Variants in PNPLA5 observed in about 807,000 individuals in gnomAD.
The protein encoded by PNPLA5 is patatin like domain 5, triacylglycerol lipase, also known as patatin-like phospholipase domain-containing protein 5.
A neutral mutation model predicts 49.1 loss-of-function variants in PNPLA5; 44 were observed. That is an observed-to-expected ratio of 0.90 (90% CI 0.70 to 1.15). The LOEUF is 1.15. Ranked by LOEUF, PNPLA5 falls within the 50% of genes most tolerant of loss-of-function variation. PNPLA5 has a pLI of 0.00. For synonymous variants in PNPLA5, 243 were observed against 244.4 expected, an observed-to-expected ratio of 0.99 and a Z score of 0.06; for missense variants, 603 against 564.0, an observed-to-expected ratio of 1.07 and a Z score of -0.70.
In PNPLA5 at chr22:43,889,418, G is replaced by A. The variant is rs1194505075; in HGVS notation, c.613C>T (p.His205Tyr). The A allele has an allele frequency of 1.9e-6, 3 of 1,614,160 alleles. No individual in the cohort carries two copies. In the African/African-American group the frequency reaches 4.0e-5, roughly 22 times the overall value. The change falls in exon 4 of 9, where the codon CAT becomes TAT. Residue 205 changes from histidine to tyrosine, a missense_variant. By Grantham distance (83) the His-to-Tyr change is moderately conservative. Transcript: ENST00000216177. ...ICPQSTSPNL[H>Y]ELNVFNFSFQ... Reference sequence around the variant, plus strand: ...CTGAAGTTGAAGACGTTCAGCTCATGCAGGTTGGGGGAGGTGCTCTGGGGG... The same window carrying A: ...CTGAAGTTGAAGACGTTCAGCTCATACAGGTTGGGGGAGGTGCTCTGGGGG...
At chr22:43,890,652 G>A (rs183521433) in intron 2 of PNPLA5, among the ~76,000 whole-genome samples, 6 of 152,318 alleles carry the variant, frequency 3.9e-5, no homozygotes, top group South Asian at 2.1e-4. Context: ...AAGGGTTTCT[G>A]TCTGTTTTGC....
At chr22:43,886,891 G>A (rs939220089) in intron 5 of PNPLA5, among the ~76,000 whole-genome samples, 3 of 152,144 alleles carry the variant, frequency 2.0e-5, no homozygotes, top group Non-Finnish European at 4.4e-5. Flanking sequence ...CATATTAAGC[G>A]CTCGCCAAAT....
chr22:43,881,683 A>AG lies in PNPLA5; in HGVS notation c.1083-10dup, dbSNP rs747830262. On this transcript the variant is annotated splice_polypyrimidine_tract_variant and intron_variant, in intron 7 of 8. Transcript: ENST00000216177. ...GCAGCCACACCACCAACCTGGAGGA[A>AG]GGGGCAGGTCAGCTTTGCCCAGGTG... 3 of 1,613,356 alleles carry AG rather than the reference A, an allele frequency of 1.9e-6. No homozygotes were observed. Among genetic ancestry groups the AG allele is most frequent in the South Asian group, 2.2e-5 (2 of 90,932 alleles).
At chr22:43,888,423 CTTCTTTT>C (rs2049689053) in intron 4 of PNPLA5, among the ~76,000 whole-genome samples, 1 of 62,388 alleles carries the variant, frequency 1.6e-5, no homozygotes, top group African/African-American at 6.5e-5. Flanking sequence ...TCTTTCTTTC[CTTCTTTT>C]TTTTTTTTTT....
chr22:43,891,310 G>A lies in PNPLA5; in HGVS notation c.194-16C>T. On this transcript the variant is annotated splice_polypyrimidine_tract_variant and intron_variant, in intron 1 of 8. Transcript: ENST00000216177. ...CAGCAGAAGTCTGCAGTGGGGGCAG[G>A]GAAAGGGAGACCTCAGCGCCCAGGG... 6.5e-7 allele frequency: 1 copy of A among 1,546,404 alleles called. No individual in the cohort carries two copies. The highest frequency in any genetic ancestry group is 8.7e-7 in the Non-Finnish European group (1 of 1,151,056).
intron 2 of PNPLA5, chr22:43,890,125 C>T (rs980759504): frequency 2.1e-5 from 20 of 975,162 alleles, no homozygotes; most frequent in African/African-American, 1.2e-4. Context: ...GGAAGCCAGC[C>T]GGGGACCCCA....
In PNPLA5 at chr22:43,880,734, GA is replaced by G. The variant is rs1420160232; in HGVS notation, c.*60del. 1.6e-6 allele frequency: 2 copies of G among 1,260,240 alleles called. No individual in the cohort carries two copies. Among genetic ancestry groups the G allele is most frequent in the Non-Finnish European group, 2.0e-6 (2 of 995,014 alleles). 78.1% of individuals were successfully genotyped at this position (1,260,240 alleles called of 1,614,324 possible). A position where few individuals can be genotyped will look rare whatever the true frequency, so the allele number is the denominator to read the frequency against. On this transcript the variant is annotated 3_prime_UTR_variant, in exon 9 of 9. Transcript: ENST00000216177. ...CGCTGGGGCAGATGTGGGCACACAGGACAAAGGCCAGAGCAGGAATCAAGGG... is the reference window on the plus strand; with the variant it reads ...CGCTGGGGCAGATGTGGGCACACAGGCAAAGGCCAGAGCAGGAATCAAGGG...
intron 7 of PNPLA5, among the ~76,000 whole-genome samples, chr22:43,882,735 T>G (rs964200392): frequency 6.6e-6 from 1 of 152,214 alleles, no homozygotes. Flanking sequence ...GTGAGGAGAA[T>G]CTGTCGGTAG....
rs5764386 is a variant in PNPLA5 at position 43,889,189 on chromosome 22, G to C, written c.702+140C>G. The C allele has an allele frequency of 5.4e-6, 5 of 924,544 alleles. No homozygotes were observed. The Admixed American group carries it at 1.2e-4, about 23-fold the overall frequency. 57.3% of individuals were successfully genotyped at this position (924,544 alleles called of 1,614,324 possible). ...TGAACCCCAAGCTTAGGATTCAGGT[G>C]TTTGGCTGTGAGACTCGGGACATGT... On this transcript the variant is annotated intron_variant, in intron 4 of 8. Transcript: ENST00000216177.
intron 8 of PNPLA5, 73 bp from the exon 9 acceptor site, chr22:43,880,958 G>A: frequency 7.8e-7 from 1 of 1,277,370 alleles, no homozygotes. Flanking sequence ...GTGGGTGCAG[G>A]CGCAGCCACA....
intron 7 of PNPLA5, among the ~76,000 whole-genome samples, chr22:43,882,103 G>A (rs560268027): frequency 5.3e-5 from 8 of 152,066 alleles, no homozygotes; most frequent in East Asian, 1.9e-4. Flanking sequence ...CCTTATCGCC[G>A]TCCATTTCTC....
At position 43,880,385 on chromosome 22, in the gene PNPLA5, C is replaced by T. The variant is rs542685217; in HGVS notation, c.*410G>A. The T allele has an allele frequency of 4.2e-4, 168 of 398,736 alleles. No homozygotes were observed. The highest frequency in any genetic ancestry group is 3.2e-3 in the African/African-American group (157 of 48,744). 24.7% of individuals were successfully genotyped at this position (398,736 alleles called of 1,614,324 possible). ...GAAAGTCTGGGGGGAGCACCCCCAC[C>T]CCATCATCTCAGTTGGCTCCTCTGG... On this transcript the variant is annotated 3_prime_UTR_variant, in exon 9 of 9. Transcript: ENST00000216177.
Position 43,889,329 on chromosome 22 carries a change from C to A in PNPLA5, c.702G>T (p.Glu234Asp). The A allele has an allele frequency of 6.2e-7, 1 of 1,613,724 alleles. No individual in the cohort carries two copies. Among genetic ancestry groups the A allele is most frequent in the Non-Finnish European group, 8.5e-7 (1 of 1,179,978 alleles). Residue 234 changes from glutamate (E) to aspartate (D), a missense_variant and splice_region_variant, in exon 4 of 9, where the codon GAG becomes GAT. Transcript: ENST00000216177. ...AACACCATCACAGGGCCAGACCTACCTCGAGGCTGGGGGGTATGAGACATA... is the reference window on the plus strand; with the variant it reads ...AACACCATCACAGGGCCAGACCTACATCGAGGCTGGGGGGTATGAGACATA... ...GLICLIPPSL[E>D]VVADNCRQGY...
rs755414343 is a variant in PNPLA5 at position 43,889,413 on chromosome 22, C to T, written c.618G>A (p.Glu206=). ...CPQSTSPNLH[E]LNVFNFSFQI... The stretch of plus-strand genomic sequence containing the variant: ...GGAAGCTGAAGTTGAAGACGTTCAG[C>T]TCATGCAGGTTGGGGGAGGTGCTCT... Residue 206 remains glutamate, a synonymous_variant, in exon 4 of 9, where the codon GAG becomes GAA. Transcript: ENST00000216177. 3.1e-6 allele frequency: 5 copies of T among 1,614,104 alleles called. No individual in the cohort carries two copies. The highest frequency in any genetic ancestry group is 4.2e-6 in the Non-Finnish European group (5 of 1,180,024).
At chr22:43,884,515 G>T in intron 6 of PNPLA5, 170 bp from the exon 7 acceptor site, 1 of 628,056 alleles carries the variant, frequency 1.6e-6, no homozygotes, top group Non-Finnish European at 2.0e-6. Context: ...TGCGCTCATC[G>T]TTGTCCGTGA....
rs955537683 is a variant in PNPLA5, at chr22:43,889,613, C to A, written c.493-75G>T. 29 of 1,542,352 alleles carry A rather than the reference C, an allele frequency of 1.9e-5. No homozygotes were observed. In the African/African-American group the frequency reaches 3.7e-4, roughly 20 times the overall value. ...CCCACACTGGCTGCAGCCGGTGACC[C>A]TCCAGCTGTCCCTGAGTCACCAGGG... On this transcript the variant is annotated intron_variant, in intron 3 of 8. Coordinates refer to ENST00000216177, the MANE Select transcript of PNPLA5 (RefSeq NM_138814.4).
intron 6 of PNPLA5, among the ~76,000 whole-genome samples, chr22:43,885,770 C>T (rs2148327710): frequency 6.6e-6 from 1 of 152,324 alleles, no homozygotes; most frequent in Middle Eastern, 3.4e-3. Flanking sequence ...CCTAGTTCTG[C>T]CATTTGCTAC....
chr22:43,886,181 G>C, intron 6 of PNPLA5, 122 bp downstream of exon 6: 1 of 1,087,362 alleles, frequency 9.2e-7, no homozygotes. Flanking sequence ...GCATTTAGTA[G>C]GTGCTCAGTA....
Position 43,884,193 on chromosome 22 carries a change from G to GC in PNPLA5, c.1082+19dup. ...CCGCCACAAGCCAGGCCCTTCCCAG[G>GC]CCCCCTGGCCGAGCCTTACCTTCTG... On this transcript the variant is annotated intron_variant, in intron 7 of 8. Coordinates refer to ENST00000216177, the MANE Select transcript of PNPLA5 (RefSeq NM_138814.4). 6.6e-7 allele frequency: 1 copy of GC among 1,518,246 alleles called. No individual in the cohort carries two copies. Among genetic ancestry groups the GC allele is most frequent in the Non-Finnish European group, 8.9e-7 (1 of 1,129,552 alleles). The allele number at this position is 1,518,246 out of a possible 1,614,324, so 94.0% of individuals were successfully genotyped here.
Sources: allele counts gnomAD v4.1 joint callset (sites outside exome capture counted in the v4.1 genomes callset), GRCh38; gene constraint gnomAD v4.1.1; transcripts MANE v1.5; gene names NCBI Gene and HGNC (gene_info 2026-07-23, HGNC 2026-07-21).